The following CACNA1B variants were observed in gnomAD, a reference collection of about 807,000 sequenced individuals.
CACNA1B encodes calcium voltage-gated channel subunit alpha1 B.
CACNA1B carries 70 observed loss-of-function variants against 247.2 expected under a neutral mutation model. The observed-to-expected ratio is 0.28, with a 90% CI of 0.23 to 0.35. CACNA1B has a LOEUF of 0.35. CACNA1B is among the 10% of genes least tolerant of loss of function. The pLI is 1.00. For synonymous variants in CACNA1B, 1,231 were observed against 1,294.4 expected, an observed-to-expected ratio of 0.95 and a Z score of 1.05; for missense variants, 2,367 against 3,197.4, an observed-to-expected ratio of 0.74 and a Z score of 6.26.
At chr9:137,943,883 GCACAGTCATGAGTTTGCC>G (rs1005599974) in intron 6 of CACNA1B, among the ~76,000 whole-genome samples, 11 of 152,198 alleles carry the variant, frequency 7.2e-5, no homozygotes, top group African/African-American at 2.4e-4. Context: ...CTGGTTGCAG[GCACAGTCATGAGTTTGCC>G]CACATCCTGC....
At chr9:138,043,446 C>T (rs990941179) in intron 20 of CACNA1B, among the ~76,000 whole-genome samples, 1 of 152,174 alleles carries the variant, frequency 6.6e-6, no homozygotes, top group Non-Finnish European at 1.5e-5. Context: ...GGGAAGGTCT[C>T]ACCAGGCTCT....
chr9:138,036,096 T>C (rs1959039515), intron 20 of CACNA1B, among the ~76,000 whole-genome samples: 2 of 152,126 alleles, frequency 1.3e-5, no homozygotes, highest in South Asian at 2.1e-4. Context: ...ATCCATTGGG[T>C]TTCTTTCCCC....
intron 15 of CACNA1B, among the ~76,000 whole-genome samples, chr9:137,989,315 G>A (rs1564224384): frequency 1.3e-5 from 2 of 152,200 alleles, no homozygotes; most frequent in Non-Finnish European, 2.9e-5. Context: ...TGATCAGAGA[G>A]AGTATGGGTG....
At chr9:137,944,442 G>A (rs965382251) in intron 6 of CACNA1B, among the ~76,000 whole-genome samples, 9 of 152,200 alleles carry the variant, frequency 5.9e-5, no homozygotes, top group African/African-American at 1.4e-4. Flanking sequence ...TCATTCCCTC[G>A]GGTGTGTTAT....
At chr9:138,089,984 T>C (rs1213914932) in intron 36 of CACNA1B, among the ~76,000 whole-genome samples, 2 of 152,192 alleles carry the variant, frequency 1.3e-5, no homozygotes, top group Admixed American at 6.5e-5. Context: ...TTGATGCTCA[T>C]GGATTGGAAG....
In CACNA1B at chr9:138,020,685, C is replaced by G. The variant is rs929259629; in HGVS notation, c.2268-2326C>G. The stretch of plus-strand genomic sequence containing the variant: ...GGGCTGCGGGGGGCGGGCAGGTGCC[C>G]TAGCGTAGGCTGCTCAGCATGTTGC... On this transcript the variant is annotated intron_variant, in intron 18 of 46. Coordinates refer to ENST00000371372, the MANE Select transcript of CACNA1B (RefSeq NM_000718.4). This position sits in a 1 kb window ranked among gnomAD's most constrained non-coding sequence, Gnocchi z 4.1. Among the ~76,000 whole-genome samples, 1 of 152,146 alleles carries G rather than the reference C, an allele frequency of 6.6e-6. No individual in the cohort carries two copies. Among genetic ancestry groups the G allele is most frequent in the Non-Finnish European group, 1.5e-5 (1 of 68,000 alleles).
At chr9:138,023,843 G>GT (rs1958884985) in intron 19 of CACNA1B, 32 bp downstream of exon 19, 2 of 1,136,362 alleles carry the variant, frequency 1.8e-6, no homozygotes, top group African/African-American at 1.5e-5. Flanking sequence ...GTCAGGGAGG[G>GT]AAGGGTTGGC....
At chr9:137,939,995 T>G (rs1052377306) in intron 6 of CACNA1B, among the ~76,000 whole-genome samples, 10 of 151,814 alleles carry the variant, frequency 6.6e-5, no homozygotes, top group African/African-American at 2.4e-4. Flanking sequence ...ACAGACAATC[T>G]AAGGTCACAC....
In CACNA1B at chr9:137,986,891, G is replaced by T. The variant is rs536327795; in HGVS notation, c.1974+37G>T. ...GCTCTGCACATTTGCGGCCTGCCCG[G>T]CTCCCGTCTCCCCTGGGTGCTGGGA... is the stretch of plus-strand genomic sequence containing the variant. On this transcript the variant is annotated intron_variant, in intron 15 of 46. Coordinates refer to ENST00000371372, the MANE Select transcript of CACNA1B (RefSeq NM_000718.4). The surrounding 1 kb of genome is among the most constrained non-coding windows in gnomAD (Gnocchi z 6.0). 4 of 1,490,196 alleles carry T rather than the reference G, an allele frequency of 2.7e-6. No homozygotes were observed. Among genetic ancestry groups the T allele is most frequent in the African/African-American group, 1.4e-5 (1 of 72,118 alleles). The allele number at this position is 1,490,196 out of a possible 1,614,324, so 92.3% of individuals were successfully genotyped here. A position where few individuals can be genotyped will look rare whatever the true frequency, so the allele number is the denominator to read the frequency against.
intron 36 of CACNA1B, among the ~76,000 whole-genome samples, chr9:138,080,991 C>T (rs752139692): frequency 6.6e-6 from 1 of 152,230 alleles, no homozygotes. Context: ...TGAGTCATCT[C>T]CTGATCCCTC....
chr9:137,909,383 G>A (rs1283771174), intron 3 of CACNA1B, among the ~76,000 whole-genome samples: 3 of 152,146 alleles, frequency 2.0e-5, no homozygotes, highest in African/African-American at 2.4e-5. Context: ...TTGGCTTAGC[G>A]CTAATTTACT....
At chr9:138,044,691 C>A (rs1388225801) in intron 21 of CACNA1B, among the ~76,000 whole-genome samples, 1 of 152,192 alleles carries the variant, frequency 6.6e-6, no homozygotes, top group Admixed American at 6.5e-5. Flanking sequence ...AGAGCAGGGG[C>A]TGGGCAGGTG....
chr9:138,060,333 C>T (rs1234113648), intron 31 of CACNA1B, among the ~76,000 whole-genome samples: 5 of 152,162 alleles, frequency 3.3e-5, no homozygotes, highest in Admixed American at 6.5e-5. Context: ...GTTGAATTCT[C>T]GAGAAGCAGA....
intron 18 of CACNA1B, 52 bp downstream of exon 18, chr9:138,013,287 C>T: frequency 1.4e-6 from 2 of 1,399,716 alleles, no homozygotes; most frequent in Middle Eastern, 2.5e-4. Flanking sequence ...GCTGCAGGGT[C>T]CCATGGCTGG....
At position 137,971,555 on chromosome 9, in the gene CACNA1B, G is replaced by T. The variant is rs77970942; in HGVS notation, c.1506G>T (p.Val502=). ...TGAACACACTGTGTGTGGCCATGGT[G>T]CATTACAACCAGCCGCGGCGGCTTA... ...VALNTLCVAM[V]HYNQPRRLTT... Residue 502 remains valine (V), a synonymous_variant, in exon 11 of 47, where the codon GTG becomes GTT. Coordinates refer to ENST00000371372, the MANE Select transcript of CACNA1B (RefSeq NM_000718.4). This position sits in a 1 kb window ranked among gnomAD's most constrained non-coding sequence, Gnocchi z 4.4. The T allele has an allele frequency of 3.7e-6, 6 of 1,613,708 alleles. No homozygotes were observed. Among genetic ancestry groups the T allele is most frequent in the Non-Finnish European group, 5.1e-6 (6 of 1,179,778 alleles).
chr9:138,036,600 G>C (rs1369815528), intron 20 of CACNA1B, among the ~76,000 whole-genome samples: 2 of 152,120 alleles, frequency 1.3e-5, no homozygotes, highest in Non-Finnish European at 2.9e-5. Flanking sequence ...ACTGTCTTCT[G>C]CCTTCTGTTG....
rs543222271 is a variant in CACNA1B at position 137,944,279 on chromosome 9, A to T, written c.967-7995A>T. On this transcript the variant is annotated intron_variant, in intron 6 of 46. Coordinates refer to ENST00000371372, the MANE Select transcript of CACNA1B (RefSeq NM_000718.4). ...TCTAATGTCTGGGGCAGATTGGATT[A>T]GTATATTTTTTAAAGGCTTCCTCCA... 1.1e-3 allele frequency among the ~76,000 whole-genome samples: 164 copies of T among 152,278 alleles called. 1 individual carries two copies. Among genetic ancestry groups the T allele is most frequent in the African/African-American group, 3.7e-3 (154 of 41,558 alleles).
intron 15 of CACNA1B, among the ~76,000 whole-genome samples, chr9:137,993,668 CAGACCAGTAACG>C (rs1958462085): frequency 2.0e-5 from 3 of 152,222 alleles, no homozygotes; most frequent in South Asian, 4.1e-4. Flanking sequence ...ATACCCTGAA[CAGACCAGTAACG>C]AGTAGCGAGA....
In CACNA1B at chr9:137,957,784, C is replaced by A; in HGVS notation, c.1333+97C>A. On this transcript the variant is annotated intron_variant, in intron 10 of 46. Coordinates refer to ENST00000371372, the MANE Select transcript of CACNA1B (RefSeq NM_000718.4). This position sits in a 1 kb window ranked among gnomAD's most constrained non-coding sequence, Gnocchi z 4.7. ...GCTACCCAGCCACTGTTGGACGCCC[C>A]TTCTTGCCCAAACGCCTGCAGGCTC... 1.2e-6 allele frequency: 1 copy of A among 834,624 alleles called. No individual in the cohort carries two copies. The highest frequency in any genetic ancestry group is 1.8e-6 in the Non-Finnish European group (1 of 549,642). The allele number at this position is 834,624 out of a possible 1,614,324, so 51.7% of individuals were successfully genotyped here.
Sources: gnomAD v4.1 joint callset for allele counts (sites outside exome capture counted in the v4.1 genomes callset) on GRCh38, gnomAD v4.1.1 for gene constraint, Gnocchi (gnomAD v3.1) non-coding constraint, MANE v1.5 for transcripts, NCBI Gene and HGNC (gene_info 2026-07-23, HGNC 2026-07-21) for gene names.